Variants in CCDC18 observed in about 807,000 individuals in gnomAD.
The protein encoded by CCDC18 is coiled-coil domain-containing protein 18.
A neutral mutation model predicts 196.0 loss-of-function variants in CCDC18; 157 were observed. The ratio of observed to expected loss-of-function variants is 0.80; its 90% CI spans 0.70 to 0.91. The LOEUF (loss-of-function observed/expected upper bound fraction) is 0.91, where lower values mean the gene tolerates loss of function less well. Ranked by LOEUF, CCDC18 falls within the 40% of genes least tolerant of loss-of-function variation. The pLI is 0.00. For synonymous variants in CCDC18, 482 were observed against 529.2 expected, an observed-to-expected ratio of 0.91 and a Z score of 1.22; for missense variants, 1,465 against 1,611.6, an observed-to-expected ratio of 0.91 and a Z score of 1.56.
At chr1:93,240,453 T>C (rs921395988) in intron 21 of CCDC18, among the ~76,000 whole-genome samples, 6 of 152,154 alleles carry the variant, frequency 3.9e-5, no homozygotes, top group Non-Finnish European at 8.8e-5. Flanking sequence ...GACACACATG[T>C]ATAGTGAGTG....
rs1333443577 is a variant in CCDC18, at chr1:93,258,790, A to G, written c.3589A>G (p.Lys1197Glu). ...TTTAGCTGAAGAACTGGGGGCTTCT[A>G]AAGTACGTGAAGCTCATTTAGAAGC... is the stretch of plus-strand genomic sequence containing the variant. ...NHLAEELGAS[K>E]VREAHLEARM... The change falls in exon 26 of 29, where the codon AAA becomes GAA. Residue 1197 changes from lysine (K) to glutamate (E), a missense_variant. By Grantham distance (56) the Lys-to-Glu change is moderately conservative. Transcript: ENST00000690025. 1.9e-6 allele frequency: 3 copies of G among 1,586,960 alleles called. No homozygotes were observed. Among genetic ancestry groups the G allele is most frequent in the Non-Finnish European group, 2.6e-6 (3 of 1,167,474 alleles).
intron 19 of CCDC18, among the ~76,000 whole-genome samples, 161 bp downstream of exon 19, chr1:93,236,551 T>C (rs990670777): frequency 1.3e-5 from 2 of 152,340 alleles, no homozygotes; most frequent in Non-Finnish European, 2.9e-5. Context: ...ATATCTCTCA[T>C]TATGCTTTTT....
At position 93,239,869 on chromosome 1, in the gene CCDC18, C is replaced by G; in HGVS notation, c.2954C>G (p.Thr985Ser). Residue 985 changes from threonine (T) to serine (S), a missense_variant, in exon 21 of 29, where the codon ACT (threonine) becomes AGT (serine). Thr to Ser is a moderately conservative substitution (Grantham distance 58, BLOSUM62 1). Transcript: ENST00000690025. ...TTATCATTAGAGGAAAAATACACTA[C>G]TATAAAGGATCTCACAGCTGAACTT... is the stretch of plus-strand genomic sequence containing the variant. ...AQLSLEEKYT[T>S]IKDLTAELRE... 5 of 1,608,654 alleles carry G rather than the reference C, an allele frequency of 3.1e-6. No individual in the cohort carries two copies. The highest frequency in any genetic ancestry group is 4.3e-6 in the Non-Finnish European group (5 of 1,176,066).
chr1:93,277,258 A>G (rs1665668447), intron 28 of CCDC18, among the ~76,000 whole-genome samples: 1 of 28,074 alleles, frequency 3.6e-5, no homozygotes, highest in Non-Finnish European at 6.0e-5. Context: ...CAGGAGACAG[A>G]TGCCTTCCTC....
intron 26 of CCDC18, 108 bp from the exon 27 acceptor site, chr1:93,264,593 T>C (rs1664242868): frequency 4.6e-6 from 3 of 651,622 alleles, no homozygotes; most frequent in Non-Finnish European, 7.9e-6. Context: ...CAGAATTTAC[T>C]TTTTTTAAAG....
At chr1:93,238,112 A>G (rs74857161) in intron 19 of CCDC18, among the ~76,000 whole-genome samples, 3,192 of 152,288 alleles carry the variant, frequency 0.021, 62 homozygotes, top group Non-Finnish European at 0.03. Context: ...TATATTTTCT[A>G]TAATTTTCCC....
At chr1:93,248,951 C>T (rs568381089) in intron 23 of CCDC18, among the ~76,000 whole-genome samples, 126 of 133,504 alleles carry the variant, frequency 9.4e-4, no homozygotes, top group South Asian at 1.6e-3. Flanking sequence ...CCAGCCTGGG[C>T]GACAGAGTGA....
Position 93,210,012 on chromosome 1 carries a change from A to G in CCDC18, c.1210-790A>G, listed in dbSNP as rs1239671204. The stretch of plus-strand genomic sequence containing the variant: ...AGAGTTCGAGGCTGCAGTGAGCTCT[A>G]TGATCATAAGCTCCAGTCTGGGTGA... On this transcript the variant is annotated intron_variant, in intron 9 of 28. Coordinates refer to ENST00000690025, the MANE Select transcript of CCDC18 (RefSeq NM_001378204.1). Among the ~76,000 whole-genome samples, 6 of 152,108 alleles carry G rather than the reference A, an allele frequency of 3.9e-5. No homozygotes were observed. The South Asian group carries it at 8.3e-4, about 21-fold the overall frequency.
At position 93,261,101 on chromosome 1, in the gene CCDC18, T is replaced by C. The variant is rs932099332; in HGVS notation, c.3684+2216T>C. Among the ~76,000 whole-genome samples the C allele has an allele frequency of 4.6e-5, 7 of 152,170 alleles. No homozygotes were observed. The South Asian group carries it at 1.2e-3, about 27-fold the overall frequency. On this transcript the variant is annotated intron_variant, in intron 26 of 28. Transcript: ENST00000690025. ...CATACATGTGCATGTGTCTTTATAG[T>C]AGAATGATTTATAATCCTTTGGGTA...
intron 25 of CCDC18, 40 bp from the exon 26 acceptor site, chr1:93,258,708 A>C (rs1481768983): frequency 1.4e-6 from 2 of 1,472,068 alleles, no homozygotes; most frequent in African/African-American, 1.4e-5. Flanking sequence ...TAACCAAATA[A>C]ACAAGTTTTA....
chr1:93,217,868 G>A lies in CCDC18; in HGVS notation c.1961G>A (p.Arg654Lys), dbSNP rs1249992477. ...AAAGAAATGGAAAAGCAGATTGAAA[G>A]AGTAAGTAATACATATTTAGAATAT... ...QHKEMEKQIE[R>K]LEAQLEKKDQ... Residue 654 changes from arginine (R) to lysine (K), a missense_variant and splice_region_variant, in exon 14 of 29, where the codon AGA becomes AAA. Coordinates refer to ENST00000690025, the MANE Select transcript of CCDC18 (RefSeq NM_001378204.1). 1 of 1,607,080 alleles carries A rather than the reference G, an allele frequency of 6.2e-7. No individual in the cohort carries two copies. Among genetic ancestry groups the A allele is most frequent in the African/African-American group, 1.3e-5 (1 of 74,374 alleles).
intron 26 of CCDC18, among the ~76,000 whole-genome samples, chr1:93,262,732 T>C (rs1663978571): frequency 6.6e-6 from 1 of 152,182 alleles, no homozygotes; most frequent in Non-Finnish European, 1.5e-5. Context: ...GTCTAGAGAA[T>C]GGTGGCCCTC....
At chr1:93,233,109 T>C (rs1570483773) in intron 18 of CCDC18, among the ~76,000 whole-genome samples, 1 of 152,250 alleles carries the variant, frequency 6.6e-6, no homozygotes, top group African/African-American at 2.4e-5. Flanking sequence ...TGCTGTTCCA[T>C]ACAATTTATA....
At chr1:93,183,713 A>G (rs1341179169) in intron 2 of CCDC18, among the ~76,000 whole-genome samples, 1 of 152,078 alleles carries the variant, frequency 6.6e-6, no homozygotes, top group Non-Finnish European at 1.5e-5. Flanking sequence ...AGAACTCAGT[A>G]TAAAATATAT....
rs764006273 is a variant in CCDC18, at chr1:93,264,712, T to C, written c.3696T>C (p.His1232=). The part of the protein sequence containing the change: ...KEAYHMEMIS[H]QENHAKWKIS... ...CTGGGGCTATATAGATGATTTCACA[T>C]CAAGAGAACCATGCAAAGTGGAAGA... is the stretch of plus-strand genomic sequence containing the variant. Residue 1232 remains histidine, a synonymous_variant, in exon 27 of 29, where the codon CAT becomes CAC. Coordinates refer to ENST00000690025, the MANE Select transcript of CCDC18 (RefSeq NM_001378204.1). 6.2e-7 allele frequency: 1 copy of C among 1,607,972 alleles called. No individual in the cohort carries two copies. The highest frequency in any genetic ancestry group is 1.1e-5 in the South Asian group (1 of 90,406).
chr1:93,275,885 T>G (rs1057410736), intron 28 of CCDC18, among the ~76,000 whole-genome samples: 6 of 152,256 alleles, frequency 3.9e-5, no homozygotes, highest in African/African-American at 9.6e-5. Flanking sequence ...TTCTTTGGTA[T>G]GATGAGTGAC....
chr1:93,272,173 T>C (rs1457748933), intron 28 of CCDC18, among the ~76,000 whole-genome samples: 1 of 152,214 alleles, frequency 6.6e-6, no homozygotes, highest in Non-Finnish European at 1.5e-5. Flanking sequence ...ATAATACTTA[T>C]TTTTGCTGGC....
intron 23 of CCDC18, among the ~76,000 whole-genome samples, chr1:93,251,147 T>C (rs1386768818): frequency 1.3e-5 from 2 of 152,186 alleles, no homozygotes; most frequent in East Asian, 1.9e-4. Context: ...GTGAGACTTA[T>C]AGAAAACATC....
At chr1:93,190,822 T>A in intron 4 of CCDC18, 1 of 715,950 alleles carries the variant, frequency 1.4e-6, no homozygotes. Flanking sequence ...CAGCATTCTC[T>A]TAGATCTGCA....
Sources: gnomAD v4.1 joint callset for allele counts (sites outside exome capture counted in the v4.1 genomes callset) on GRCh38, gnomAD v4.1.1 for gene constraint, MANE v1.5 for transcripts, NCBI Gene and HGNC (gene_info 2026-07-23, HGNC 2026-07-21) for gene names.